LMCD1: variants seen among roughly 807,000 people sequenced by gnomAD.
The protein encoded by LMCD1 is LIM and cysteine rich domains 1.
In LMCD1, 32 loss-of-function variants were observed where a neutral mutation model predicts 42.7. That is an observed-to-expected ratio of 0.75 (90% CI 0.57 to 1.01). The LOEUF (loss-of-function observed/expected upper bound fraction) is 1.01, where lower values mean the gene tolerates loss of function less well. Among genes scored for constraint, LMCD1 ranks in the 50% least tolerant of loss-of-function variants. LMCD1 has a pLI of 0.00. For synonymous variants in LMCD1, 178 were observed against 184.9 expected (o/e 0.96, Z 0.30); for missense variants, 458 against 483.1 (o/e 0.95, Z 0.49).
intron 2 of LMCD1, among the ~76,000 whole-genome samples, chr3:8,534,809 A>T (rs1313482051): frequency 6.6e-6 from 1 of 152,120 alleles, no homozygotes; most frequent in Non-Finnish European, 1.5e-5. Context: ...ACCTGGAAAG[A>T]GTGGGGTGGG....
intron 1 of LMCD1, chr3:8,514,862 T>G (rs1694069314): frequency 2.2e-6 from 1 of 446,872 alleles, no homozygotes; most frequent in African/African-American, 2.0e-5. Flanking sequence ...AGGTGTTTAT[T>G]GAATAGAAAG....
intron 3 of LMCD1, among the ~76,000 whole-genome samples, chr3:8,546,083 A>G (rs1381651918): frequency 1.3e-5 from 2 of 152,188 alleles, no homozygotes; most frequent in East Asian, 3.9e-4. Context: ...CAGTGAGCTA[A>G]GATCAGGCCA....
chr3:8,553,920 C>T (rs988698591), intron 4 of LMCD1, among the ~76,000 whole-genome samples: 15 of 152,170 alleles, frequency 9.9e-5, no homozygotes, highest in Non-Finnish European at 1.8e-4. Flanking sequence ...TATTTAGTCT[C>T]CCTCTTTTCC....
At position 8,550,231 on chromosome 3, in the gene LMCD1, T is replaced by G. The variant is rs190566204; in HGVS notation, c.723+1328T>G. The G allele has an allele frequency of 3.6e-3, 3,971 of 1,100,918 alleles. 8 individuals carry two copies. Among genetic ancestry groups the G allele is most frequent in the Non-Finnish European group, 4.1e-3 (3,644 of 898,264 alleles). 68.2% of individuals were successfully genotyped at this position (1,100,918 alleles called of 1,614,324 possible). On this transcript the variant is annotated intron_variant, in intron 4 of 5. Coordinates refer to ENST00000157600, the MANE Select transcript of LMCD1 (RefSeq NM_014583.4). ...TGGACCACGTGGGTCTAGCGTGTAC[T>G]GCGTTTCTGGTCCCCAGCCCCTGTT... is the stretch of plus-strand genomic sequence containing the variant.
In LMCD1 at chr3:8,537,310, A is replaced by G; in HGVS notation, c.257A>G (p.Lys86Arg). The G allele has an allele frequency of 6.2e-7, 1 of 1,614,122 alleles. No individual in the cohort carries two copies. The highest frequency in any genetic ancestry group is 1.7e-5 in the Admixed American group (1 of 60,016). ...SKYSTLTARV[K>R]GGDGIRIYKR... ...TATTCCACCCTCACTGCTCGGGTGA[A>G]AGGCGGGGACGGCATCCGGATTTAC... is the stretch of plus-strand genomic sequence containing the variant. The change falls in exon 3 of 6, where the codon AAA becomes AGA. Residue 86 changes from lysine to arginine, a missense_variant. Transcript: ENST00000157600.
rs772016331 is a variant in LMCD1, at chr3:8,567,540, A to G, written c.1040A>G (p.Tyr347Cys). 47 of 1,613,748 alleles carry G rather than the reference A, an allele frequency of 2.9e-5. No homozygotes were observed. The highest frequency in any genetic ancestry group is 3.9e-5 in the Non-Finnish European group (46 of 1,179,974). ...GCEQLLSGRA[Y>C]IVTKGQLLCP... ...GAGCAGCTGCTGAGCGGCCGGGCGT[A>G]CATCGTCACCAAGGGTCAGCTTCTG... Residue 347 changes from tyrosine (Y) to cysteine (C), a missense_variant, in exon 6 of 6, where the codon TAC becomes TGC. Coordinates refer to ENST00000157600, the MANE Select transcript of LMCD1 (RefSeq NM_014583.4).
intron 4 of LMCD1, among the ~76,000 whole-genome samples, chr3:8,563,506 C>A (rs1157761965): frequency 6.6e-6 from 1 of 152,222 alleles, no homozygotes; most frequent in Non-Finnish European, 1.5e-5. Flanking sequence ...TCTCTCTGCC[C>A]TCTGCAGCTA....
At chr3:8,538,810 T>A (rs372631053) in intron 3 of LMCD1, among the ~76,000 whole-genome samples, 33 of 152,320 alleles carry the variant, frequency 2.2e-4, no homozygotes, top group East Asian at 9.7e-4. Context: ...GCCTGTCCTG[T>A]AAACCGTAAC....
rs2125042438 is a variant in LMCD1, at chr3:8,568,208, C to T, written c.*610C>T. ...AAAATATAGTAAAATACTAATGAGC[C>T]TCTCTATCAATGTATCTCATCAGAC... On this transcript the variant is annotated 3_prime_UTR_variant, in exon 6 of 6. Transcript: ENST00000157600. 1 of 152,320 alleles carries T rather than the reference C, an allele frequency of 6.6e-6. No individual in the cohort carries two copies. The highest frequency in any genetic ancestry group is 1.9e-4 in the East Asian group (1 of 5,190). 9.4% of individuals were successfully genotyped at this position (152,320 alleles called of 1,614,324 possible).
At chr3:8,502,094 A>T (rs1436425814) in intron 1 of LMCD1, 114 bp downstream of exon 1, 1 of 877,704 alleles carries the variant, frequency 1.1e-6, no homozygotes, top group Non-Finnish European at 1.7e-6. Context: ...TTAAATTCCA[A>T]AACTGCATGG....
intron 4 of LMCD1, 103 bp downstream of exon 4, chr3:8,549,006 T>C (rs1255737178): frequency 2.3e-6 from 2 of 855,028 alleles, no homozygotes; most frequent in South Asian, 2.6e-5. Flanking sequence ...CATGCATTTA[T>C]TCATGAATTT....
intron 2 of LMCD1, among the ~76,000 whole-genome samples, chr3:8,536,414 G>A (rs1434245773): frequency 6.6e-6 from 1 of 152,148 alleles, no homozygotes; most frequent in Non-Finnish European, 1.5e-5. Flanking sequence ...AGGCTTTTTA[G>A]TAAATCTGAA....
intron 1 of LMCD1, among the ~76,000 whole-genome samples, chr3:8,528,854 A>G (rs996077485): frequency 6.6e-6 from 1 of 152,120 alleles, no homozygotes; most frequent in African/African-American, 2.4e-5. Flanking sequence ...TTGCATCCCC[A>G]GGGGTCTCCT....
chr3:8,502,568 A>C (rs1693781439), intron 1 of LMCD1, among the ~76,000 whole-genome samples: 1 of 57,478 alleles, frequency 1.7e-5, no homozygotes, highest in Non-Finnish European at 3.1e-5. Context: ...GTTTCCCCCA[A>C]TACACACACA....
rs765467757 is a variant in LMCD1, at chr3:8,567,580, C to T, written c.1080C>T (p.Ser360=). ...GTCAGCTTCTGTGCCCAACTTGCAGCAAGTCCAAACGCTCCTGAAGGGCTG... is the reference window on the plus strand; with the variant it reads ...GTCAGCTTCTGTGCCCAACTTGCAGTAAGTCCAAACGCTCCTGAAGGGCTG... ...TKGQLLCPTC[S]KSKRS is the part of the protein sequence containing the mutation. The change falls in exon 6 of 6, where the codon AGC becomes AGT. Residue 360 remains serine (S), a synonymous_variant. Coordinates refer to ENST00000157600, the MANE Select transcript of LMCD1 (RefSeq NM_014583.4). 1.2e-6 allele frequency: 2 copies of T among 1,613,536 alleles called. No homozygotes were observed. Among genetic ancestry groups the T allele is most frequent in the Non-Finnish European group, 1.7e-6 (2 of 1,179,888 alleles).
chr3:8,508,450 G>A (rs1693926961), intron 1 of LMCD1, among the ~76,000 whole-genome samples: 1 of 152,196 alleles, frequency 6.6e-6, no homozygotes, highest in African/African-American at 2.4e-5. Context: ...CAAGGTGGCT[G>A]TTTCAAATCC....
chr3:8,504,795 T>A (rs1392626548), intron 1 of LMCD1, among the ~76,000 whole-genome samples: 1 of 152,226 alleles, frequency 6.6e-6, no homozygotes, highest in Non-Finnish European at 1.5e-5. Context: ...CAACATTTCT[T>A]GGTAACAAAG....
chr3:8,557,896 G>A (rs1352320000), intron 4 of LMCD1, among the ~76,000 whole-genome samples: 2 of 152,092 alleles, frequency 1.3e-5, no homozygotes, highest in Non-Finnish European at 2.9e-5. Context: ...CCTGAAGCTC[G>A]TTCACTCATG....
intron 2 of LMCD1, among the ~76,000 whole-genome samples, chr3:8,533,222 T>G (rs539773725): frequency 2.6e-5 from 4 of 152,258 alleles, no homozygotes; most frequent in African/African-American, 9.6e-5. Flanking sequence ...GGTTTTGGTC[T>G]AGAGTGGCCC....
Sources: gnomAD v4.1 joint callset for allele counts (sites outside exome capture counted in the v4.1 genomes callset) on GRCh38, gnomAD v4.1.1 for gene constraint, MANE v1.5 for transcripts, NCBI Gene and HGNC (gene_info 2026-07-23, HGNC 2026-07-21) for gene names.